The following RPAP3 variants were observed in gnomAD, a reference collection of about 807,000 sequenced individuals.
The protein encoded by RPAP3 is RNA polymerase II-associated protein 3.
In RPAP3, 58 loss-of-function variants were observed where a neutral mutation model predicts 88.8. The ratio of observed to expected loss-of-function variants is 0.65; its 90% CI spans 0.53 to 0.81. The LOEUF (loss-of-function observed/expected upper bound fraction) is 0.81. Ranked by LOEUF, RPAP3 falls within the 40% of genes least tolerant of loss-of-function variation. The pLI is 0.00. For synonymous variants in RPAP3, 255 were observed against 259.9 expected, an observed-to-expected ratio of 0.98 and a Z score of 0.18; for missense variants, 751 against 764.3, an observed-to-expected ratio of 0.98 and a Z score of 0.20.
rs769153971 is a variant in RPAP3, at chr12:47,686,881, T to G, written c.891A>C (p.Lys297Asn). ...TATAGCATTCAATTGCTCTTTCATATTTCCCCTCTTTGAAAAATCCATTCC... is the reference window on the plus strand; with the variant it reads ...TATAGCATTCAATTGCTCTTTCATAGTTCCCCTCTTTGAAAAATCCATTCC... ...DRGNGFFKEG[K>N]YERAIECYTR... Residue 297 changes from lysine (K) to asparagine (N), a missense_variant, in exon 9 of 17, where the codon AAA (lysine) becomes AAC (asparagine). Coordinates refer to ENST00000005386, the MANE Select transcript of RPAP3 (RefSeq NM_024604.3). The G allele has an allele frequency of 1.9e-6, 3 of 1,601,140 alleles. No individual in the cohort carries two copies. In the East Asian group the frequency reaches 6.7e-5, roughly 36 times the overall value.
chr12:47,664,092 T>TCA (rs1938814962), intron 16 of RPAP3, among the ~76,000 whole-genome samples: 3 of 152,126 alleles, frequency 2.0e-5, no homozygotes, highest in Admixed American at 2.0e-4. Context: ...TACTACATGT[T>TCA]AAAAATAAGA....
At chr12:47,677,787 G>A (rs914226287) in intron 12 of RPAP3, among the ~76,000 whole-genome samples, 2 of 152,130 alleles carry the variant, frequency 1.3e-5, no homozygotes, top group Admixed American at 1.3e-4. Context: ...CTCATGGATA[G>A]GAAGAATCAA....
At chr12:47,698,376 T>TA (rs1939580596) in intron 3 of RPAP3, among the ~76,000 whole-genome samples, 2 of 152,070 alleles carry the variant, frequency 1.3e-5, no homozygotes, top group South Asian at 2.1e-4. Context: ...AAAGGAAAAA[T>TA]AAAAAATGTG....
chr12:47,666,215 A>G (rs779424165), intron 16 of RPAP3, among the ~76,000 whole-genome samples: 37 of 152,184 alleles, frequency 2.4e-4, no homozygotes, highest in Non-Finnish European at 4.7e-4. Context: ...GCATAGTGCA[A>G]TTTTACTTTA....
At chr12:47,700,721 G>T (rs1350655469) in intron 3 of RPAP3, among the ~76,000 whole-genome samples, 1 of 152,190 alleles carries the variant, frequency 6.6e-6, no homozygotes, top group Non-Finnish European at 1.5e-5. Flanking sequence ...GGAGATGGGA[G>T]GACACATATC....
At chr12:47,678,471 A>C (rs1939159614) in intron 12 of RPAP3, among the ~76,000 whole-genome samples, 1 of 152,236 alleles carries the variant, frequency 6.6e-6, no homozygotes, top group South Asian at 2.1e-4. Flanking sequence ...CAACCTACAG[A>C]ATGGGAGAAA....
intron 12 of RPAP3, among the ~76,000 whole-genome samples, chr12:47,673,703 A>AGTCAGGGGTACAT (rs1460990443): frequency 6.6e-6 from 1 of 152,144 alleles, no homozygotes; most frequent in Non-Finnish European, 1.5e-5. Context: ...GATCTTGATC[A>AGTCAGGGGTACAT]GTCAGGGGTA....
intron 5 of RPAP3, among the ~76,000 whole-genome samples, chr12:47,692,342 A>G (rs1271218187): frequency 3.3e-5 from 5 of 152,382 alleles, no homozygotes; most frequent in Admixed American, 2.0e-4. Context: ...TGTTTAACAC[A>G]GTAACCTTCA....
intron 5 of RPAP3, among the ~76,000 whole-genome samples, chr12:47,693,183 A>C (rs1384717713): frequency 1.3e-5 from 2 of 151,996 alleles, no homozygotes; most frequent in Admixed American, 6.6e-5. Context: ...GCCTGGCCTC[A>C]CTGTACGGTT....
At chr12:47,668,627 C>T (rs1017882945) in intron 14 of RPAP3, among the ~76,000 whole-genome samples, 37 of 152,086 alleles carry the variant, frequency 2.4e-4, no homozygotes, top group African/African-American at 8.7e-4. Flanking sequence ...ACAGAAGACA[C>T]TCAATGTATT....
At chr12:47,672,604 T>G (rs1939021710) in intron 12 of RPAP3, among the ~76,000 whole-genome samples, 1 of 151,220 alleles carries the variant, frequency 6.6e-6, no homozygotes, top group African/African-American at 2.4e-5. Flanking sequence ...ACTGCTATCC[T>G]CTACTTTTTA....
rs775126449 is a variant in RPAP3 at position 47,668,899 on chromosome 12, A to C, written c.1713+17T>G. ...ACCTTTTACTTACAACAGAAGTACT[A>C]CCTTCCTCTCTCTTACCTTTAAATA... On this transcript the variant is annotated intron_variant, in intron 14 of 16. Coordinates refer to ENST00000005386, the MANE Select transcript of RPAP3 (RefSeq NM_024604.3). The C allele has an allele frequency of 6.3e-7, 1 of 1,588,108 alleles. No homozygotes were observed. Among genetic ancestry groups the C allele is most frequent in the East Asian group, 2.2e-5 (1 of 44,682 alleles).
chr12:47,701,496 A>C lies in RPAP3; in HGVS notation c.262T>G (p.Tyr88Asp). The change falls in exon 3 of 17, where the codon TAT becomes GAT. Residue 88 changes from tyrosine (Y) to aspartate (D), a missense_variant. Physicochemically the swap from Tyr to Asp is radical, Grantham distance 160 (BLOSUM62 -3). Coordinates refer to ENST00000005386, the MANE Select transcript of RPAP3 (RefSeq NM_024604.3). The stretch of plus-strand genomic sequence containing the variant: ...AGTTTTGCCCATGCCTCATAATCAT[A>C]AGATTTTATCCTGTTTTTTGTGTTT... ...EENTKNRIKS[Y>D]DYEAWAKLDV... 3 of 1,595,996 alleles carry C rather than the reference A, an allele frequency of 1.9e-6. No homozygotes were observed. The highest frequency in any genetic ancestry group is 2.6e-6 in the Non-Finnish European group (3 of 1,172,738).
chr12:47,699,209 G>T (rs1939601122), intron 3 of RPAP3, among the ~76,000 whole-genome samples: 1 of 152,232 alleles, frequency 6.6e-6, no homozygotes, highest in African/African-American at 2.4e-5. Context: ...TGATGGCATT[G>T]TCCACATACA....
intron 5 of RPAP3, among the ~76,000 whole-genome samples, chr12:47,692,699 G>A (rs1592483400): frequency 6.6e-6 from 1 of 152,258 alleles, no homozygotes; most frequent in Non-Finnish European, 1.5e-5. Flanking sequence ...ATTTCCTCAA[G>A]AACTTTTCCT....
chr12:47,663,289 T>C lies in RPAP3; in HGVS notation c.*216A>G, dbSNP rs1177127009. 2 of 392,480 alleles carry C rather than the reference T, an allele frequency of 5.1e-6. No homozygotes were observed. The highest frequency in any genetic ancestry group is 9.0e-6 in the Non-Finnish European group (2 of 222,366). The allele number at this position is 392,480 out of a possible 1,614,324, so 24.3% of individuals were successfully genotyped here. Reference sequence around the variant, plus strand: ...AATAAAATGCTGATCCTTACAAATGTATCTCATTGTTTATATTTTTATTTT... The same window carrying C: ...AATAAAATGCTGATCCTTACAAATGCATCTCATTGTTTATATTTTTATTTT... On this transcript the variant is annotated 3_prime_UTR_variant, in exon 17 of 17. Coordinates refer to ENST00000005386, the MANE Select transcript of RPAP3 (RefSeq NM_024604.3).
chr12:47,692,937 C>T (rs943952798), intron 5 of RPAP3, among the ~76,000 whole-genome samples: 2 of 152,118 alleles, frequency 1.3e-5, no homozygotes, highest in African/African-American at 2.4e-5. Flanking sequence ...TGGAGTGCAG[C>T]GGCATGATCT....
At chr12:47,687,181 G>A (rs544545311) in intron 8 of RPAP3, among the ~76,000 whole-genome samples, 13 of 152,014 alleles carry the variant, frequency 8.6e-5, no homozygotes, top group South Asian at 2.1e-4. Flanking sequence ...TACATATTAC[G>A]CAAAGCTTAA....
At chr12:47,693,589 C>G (rs1240752824) in intron 5 of RPAP3, among the ~76,000 whole-genome samples, 1 of 152,170 alleles carries the variant, frequency 6.6e-6, no homozygotes, top group African/African-American at 2.4e-5. Context: ...CAAGGTATGC[C>G]TATAATTCCT....
Sources: allele counts gnomAD v4.1 joint callset (sites outside exome capture counted in the v4.1 genomes callset), GRCh38; gene constraint gnomAD v4.1.1; transcripts MANE v1.5; gene names NCBI Gene and HGNC (gene_info 2026-07-23, HGNC 2026-07-21).